The following TSPAN7 variants were observed in gnomAD, a reference collection of about 807,000 sequenced individuals.
The protein encoded by TSPAN7 is tetraspanin 7.
Under a neutral mutation model 17.6 loss-of-function variants are expected in TSPAN7, and 1 was observed. That is an observed-to-expected ratio of 0.06 (90% CI 0.02 to 0.27). The LOEUF is 0.27. Among genes scored for constraint, TSPAN7 ranks in the 10% least tolerant of loss-of-function variants. The pLI, the probability that TSPAN7 is intolerant of heterozygous loss-of-function variation, is 1.00. For synonymous variants in TSPAN7, 78 were observed against 79.0 expected (o/e 0.99, Z 0.07); for missense variants, 112 against 201.7 (o/e 0.56, Z 2.69).
At chrX:38,600,385 CT>C (rs779576872) in intron 1 of TSPAN7, among the ~76,000 whole-genome samples, 2 of 111,591 alleles carry the variant, frequency 1.8e-5, no homozygotes, top group African/African-American at 6.5e-5. Flanking sequence ...CCCCAACCCC[CT>C]ACATTCTTTT....
In TSPAN7 at chrX:38,565,508, G is replaced by A. The variant is rs902850185; in HGVS notation, c.81+3881G>A. ...CTCCCAAAGTGCTGGGATTACAGGC[G>A]TGAGCCACCACACCCAGCCGACCTT... On this transcript the variant is annotated intron_variant, in intron 1 of 7. Coordinates refer to ENST00000378482, the MANE Select transcript of TSPAN7 (RefSeq NM_004615.4). 8.0e-5 allele frequency among the ~76,000 whole-genome samples: 9 copies of A among 112,525 alleles called. No homozygotes were observed. In the East Asian group the frequency reaches 2.5e-3, roughly 31 times the overall value.
chrX:38,575,965 T>C (rs2069191959), intron 1 of TSPAN7, among the ~76,000 whole-genome samples: 2 of 112,212 alleles, frequency 1.8e-5, no homozygotes, highest in Admixed American at 1.9e-4. Flanking sequence ...ACTTTGGGAA[T>C]TATTGCTCTA....
chrX:38,632,121 C>T (rs1055990478), intron 1 of TSPAN7, among the ~76,000 whole-genome samples: 15 of 111,141 alleles, frequency 1.3e-4, no homozygotes, highest in African/African-American at 4.6e-4. Context: ...TCTTAATTGG[C>T]GTAAACTCTC....
intron 2 of TSPAN7, among the ~76,000 whole-genome samples, chrX:38,669,112 C>A (rs1420720314): frequency 9.0e-6 from 1 of 111,078 alleles, no homozygotes; most frequent in Non-Finnish European, 1.9e-5. Context: ...ATGTTCCCAC[C>A]ACAAAGAAAT....
chrX:38,566,170 A>G (rs985950205), intron 1 of TSPAN7, among the ~76,000 whole-genome samples: 18 of 112,459 alleles, frequency 1.6e-4, no homozygotes, highest in South Asian at 7.4e-4. Context: ...TCTATTGTGT[A>G]CTATATAATT....
chrX:38,624,045 G>T (rs777910320), intron 1 of TSPAN7, among the ~76,000 whole-genome samples: 5 of 109,294 alleles, frequency 4.6e-5, no homozygotes, highest in African/African-American at 1.7e-4. Flanking sequence ...CACTTGGGAT[G>T]CATGGATTCT....
chrX:38,572,106 C>A lies in TSPAN7; in HGVS notation c.81+10479C>A, dbSNP rs192117396. ...AGAGACCATAATCCAACATGTAAAA[C>A]AAAACCCAGAATTCATTACTTACCA... On this transcript the variant is annotated intron_variant, in intron 1 of 7. Transcript: ENST00000378482. Among the ~76,000 whole-genome samples, 1,021 of 111,220 alleles carry A rather than the reference C, an allele frequency of 9.2e-3. 9 individuals are homozygous for A. The highest frequency in any genetic ancestry group is 0.032 in the African/African-American group (984 of 30,531).
chrX:38,610,500 A>G (rs2069412422), intron 1 of TSPAN7, among the ~76,000 whole-genome samples: 1 of 111,642 alleles, frequency 9.0e-6, no homozygotes, highest in African/African-American at 3.3e-5. Flanking sequence ...GCGCATTAGA[A>G]TCACCTGGGG....
chrX:38,569,873 T>C (rs2069160961), intron 1 of TSPAN7, among the ~76,000 whole-genome samples: 1 of 111,910 alleles, frequency 8.9e-6, no homozygotes, highest in South Asian at 3.7e-4. Context: ...AAATACCCAG[T>C]TGATTGTGAG....
At chrX:38,667,918 C>A (rs1281024406) in intron 2 of TSPAN7, among the ~76,000 whole-genome samples, 1 of 112,461 alleles carries the variant, frequency 8.9e-6, no homozygotes, top group African/African-American at 3.2e-5. Flanking sequence ...GAAGTAGACT[C>A]CTCAGTGGTG....
At chrX:38,682,257 T>C (rs951985872) in intron 6 of TSPAN7, among the ~76,000 whole-genome samples, 1 of 112,298 alleles carries the variant, frequency 8.9e-6, no homozygotes, top group Non-Finnish European at 1.9e-5. Context: ...ACATAGGCTA[T>C]CTCAGACTCT....
chrX:38,681,421 C>T (rs758307472), intron 6 of TSPAN7, 134 bp downstream of exon 6: 1 of 547,524 alleles, frequency 1.8e-6, no homozygotes, highest in South Asian at 2.5e-5. Context: ...GCTCATTAGT[C>T]CTCAGGTGAT....
chrX:38,571,960 C>G (rs562321531), intron 1 of TSPAN7, among the ~76,000 whole-genome samples: 103 of 111,598 alleles, frequency 9.2e-4, no homozygotes, highest in Middle Eastern at 4.7e-3. Context: ...CAAGGGTCTT[C>G]AAGTGAACTC....
chrX:38,616,071 TAG>T (rs937541879), intron 1 of TSPAN7, among the ~76,000 whole-genome samples: 1 of 112,169 alleles, frequency 8.9e-6, no homozygotes, highest in Non-Finnish European at 1.9e-5. Flanking sequence ...TTGTAAGGTT[TAG>T]AGAGAATGTA....
intron 1 of TSPAN7, among the ~76,000 whole-genome samples, chrX:38,616,552 C>T (rs1266787685): frequency 1.8e-5 from 2 of 111,844 alleles, no homozygotes; most frequent in African/African-American, 3.3e-5. Context: ...CCCTCTTTTC[C>T]GCTTATTACT....
intron 1 of TSPAN7, among the ~76,000 whole-genome samples, chrX:38,594,165 G>T (rs1424504323): frequency 1.8e-5 from 2 of 111,308 alleles, no homozygotes; most frequent in Non-Finnish European, 3.8e-5. Context: ...AGTAGTTCTG[G>T]GTACTGTTTT....
intron 1 of TSPAN7, among the ~76,000 whole-genome samples, chrX:38,617,462 A>G (rs994928362): frequency 1.8e-5 from 2 of 112,739 alleles, no homozygotes; most frequent in African/African-American, 6.4e-5. Context: ...ACAACGACAG[A>G]GTTTTTAATA....
chrX:38,579,869 T>C (rs1297967735), intron 1 of TSPAN7, among the ~76,000 whole-genome samples: 1 of 111,763 alleles, frequency 8.9e-6, no homozygotes, highest in Non-Finnish European at 1.9e-5. Flanking sequence ...TTGATGCCCC[T>C]ACATCTCCTC....
At chrX:38,575,491 G>T in intron 1 of TSPAN7, among the ~76,000 whole-genome samples, 1 of 111,899 alleles carries the variant, frequency 8.9e-6, no homozygotes, top group Non-Finnish European at 1.9e-5. Flanking sequence ...TTTAATAAAT[G>T]AAAAGGAGCA....
Sources: allele counts gnomAD v4.1 joint callset (sites outside exome capture counted in the v4.1 genomes callset), GRCh38; gene constraint gnomAD v4.1.1; transcripts MANE v1.5; gene names NCBI Gene and HGNC (gene_info 2026-07-23, HGNC 2026-07-21).